The following DTNA variants were observed in gnomAD, a reference collection of about 807,000 sequenced individuals.
DTNA encodes the protein dystrophin-related protein 3.
In DTNA, 43 loss-of-function variants were observed where a neutral mutation model predicts 100.7. That is an observed-to-expected ratio of 0.43 (90% CI 0.33 to 0.55). The LOEUF (loss-of-function observed/expected upper bound fraction) is 0.55, where lower values mean the gene tolerates loss of function less well. Ranked by LOEUF, DTNA falls within the 20% of genes least tolerant of loss-of-function variation. DTNA has a pLI of 0.04. For synonymous variants in DTNA, 349 were observed against 347.9 expected (o/e 1.00, Z -0.04); for missense variants, 798 against 953.9 (o/e 0.84, Z 2.15).
intron 15 of DTNA, among the ~76,000 whole-genome samples, chr18:34,857,592 G>A (rs767239721): frequency 7.9e-5 from 12 of 152,068 alleles, no homozygotes; most frequent in East Asian, 1.9e-4. Context: ...TCTCACCCCC[G>A]ACAGAGGTCA....
At chr18:34,662,791 C>A (rs891094236) in intron 1 of DTNA, 1 of 152,204 alleles carries the variant, frequency 6.6e-6, no homozygotes, top group Admixed American at 6.5e-5. Flanking sequence ...CCCTGAGGAA[C>A]AACTGTGTTA....
intron 1 of DTNA, among the ~76,000 whole-genome samples, chr18:34,648,809 T>TA (rs1185375590): frequency 1.3e-5 from 2 of 152,242 alleles, no homozygotes; most frequent in Non-Finnish European, 2.9e-5. Flanking sequence ...ATAGATTAGG[T>TA]AAGTTGCATA....
intron 1 of DTNA, among the ~76,000 whole-genome samples, chr18:34,656,149 T>C (rs2074339517): frequency 6.6e-6 from 1 of 152,236 alleles, no homozygotes; most frequent in Non-Finnish European, 1.5e-5. Context: ...TGTTAGCAGT[T>C]TATAGAACCC....
chr18:34,853,262 A>G (rs2096505957), intron 15 of DTNA, among the ~76,000 whole-genome samples: 1 of 152,184 alleles, frequency 6.6e-6, no homozygotes. Flanking sequence ...ATTTCTTGAA[A>G]CAGCACCAAA....
intron 3 of DTNA, among the ~76,000 whole-genome samples, chr18:34,781,114 C>T (rs965012580): frequency 9.9e-5 from 15 of 152,168 alleles, no homozygotes; most frequent in African/African-American, 3.4e-4. Flanking sequence ...GTACCAGTCA[C>T]GTGTGCAGGG....
chr18:34,619,015 G>A (rs1446180300), intron 1 of DTNA, among the ~76,000 whole-genome samples: 1 of 152,174 alleles, frequency 6.6e-6, no homozygotes, highest in African/African-American at 2.4e-5. Flanking sequence ...ATGCGATGAA[G>A]GTTGGAAGAT....
chr18:34,868,161 A>G (rs1157998526), intron 17 of DTNA: 1 of 475,584 alleles, frequency 2.1e-6, no homozygotes, highest in East Asian at 1.5e-4. Flanking sequence ...AAGCAAAAAA[A>G]AAAAAAAAAG....
Position 34,884,781 on chromosome 18 carries a change from G to C in DTNA, c.*31+5G>C, listed in dbSNP as rs1289119688. The C allele has an allele frequency of 6.2e-7, 1 of 1,613,968 alleles. No homozygotes were observed. ...CTTTTATCACACTCCTCTCAAGTAA[G>C]TACCATCTTATTTAGGAGGAATCAT... On this transcript the variant is annotated splice_donor_5th_base_variant and intron_variant, in intron 22 of 22. Transcript: ENST00000444659.
intron 20 of DTNA, among the ~76,000 whole-genome samples, chr18:34,881,048 A>G (rs1354853685): frequency 6.6e-6 from 1 of 152,192 alleles, no homozygotes; most frequent in Admixed American, 6.5e-5. Context: ...AGTACCAGCT[A>G]CCAACATGTG....
At chr18:34,856,808 G>A (rs559041979) in intron 15 of DTNA, among the ~76,000 whole-genome samples, 164 of 152,314 alleles carry the variant, frequency 1.1e-3, no homozygotes, top group African/African-American at 3.2e-3. Context: ...CTCGATGCAC[G>A]TTACATATCT....
chr18:34,770,378 C>T (rs748304004), intron 3 of DTNA, among the ~76,000 whole-genome samples: 10 of 152,182 alleles, frequency 6.6e-5, no homozygotes, highest in Non-Finnish European at 1.0e-4. Flanking sequence ...TGTCTGCATA[C>T]AGCACAGACT....
At chr18:34,819,983 C>A (rs1192781929) in intron 8 of DTNA, among the ~76,000 whole-genome samples, 3 of 143,400 alleles carry the variant, frequency 2.1e-5, no homozygotes, top group Admixed American at 6.9e-5. Context: ...GCGGTTTTTG[C>A]CATTACTTTC....
intron 10 of DTNA, among the ~76,000 whole-genome samples, chr18:34,828,046 A>G (rs1334724299): frequency 6.6e-6 from 1 of 152,194 alleles, no homozygotes. Context: ...GTTACTATAT[A>G]AATGGTGAAA....
intron 4 of DTNA, among the ~76,000 whole-genome samples, chr18:34,801,863 C>G (rs2095226801): frequency 6.6e-6 from 1 of 152,148 alleles, no homozygotes; most frequent in South Asian, 2.1e-4. Context: ...TAAGCTTTTT[C>G]TGTGCCTTTT....
intron 1 of DTNA, among the ~76,000 whole-genome samples, chr18:34,597,817 A>AC (rs1256360643): frequency 6.7e-6 from 1 of 149,788 alleles, no homozygotes; most frequent in African/African-American, 2.5e-5. Flanking sequence ...TTGTGGGAAA[A>AC]CCCCACTTTT....
In DTNA at chr18:34,849,028, A is replaced by C. The variant is rs563180885; in HGVS notation, c.1434+645A>C. Reference sequence around the variant, plus strand: ...TAATGATCCCAGATGGGAGCTGCATAATGACCGACTGCATTAGCCCTGGCA... The same window carrying C: ...TAATGATCCCAGATGGGAGCTGCATCATGACCGACTGCATTAGCCCTGGCA... On this transcript the variant is annotated intron_variant, in intron 14 of 22. Coordinates refer to ENST00000444659, the MANE Select transcript of DTNA (RefSeq NM_001386795.1). 3.3e-5 allele frequency among the ~76,000 whole-genome samples: 5 copies of C among 152,278 alleles called. No individual in the cohort carries two copies. In the South Asian group the frequency reaches 6.2e-4, roughly 19 times the overall value.
At chr18:34,618,735 G>A (rs1040587410) in intron 1 of DTNA, among the ~76,000 whole-genome samples, 5 of 152,054 alleles carry the variant, frequency 3.3e-5, no homozygotes, top group African/African-American at 4.8e-5. Flanking sequence ...TTTCATTTTC[G>A]TAAAAATATT....
chr18:34,816,569 A>G (rs1196280841), intron 7 of DTNA, among the ~76,000 whole-genome samples: 2 of 152,230 alleles, frequency 1.3e-5, no homozygotes, highest in Non-Finnish European at 2.9e-5. Context: ...TACTGTTGGC[A>G]TATCCAGATT....
intron 1 of DTNA, among the ~76,000 whole-genome samples, chr18:34,684,267 T>G (rs1303251825): frequency 6.6e-6 from 1 of 152,046 alleles, no homozygotes; most frequent in Non-Finnish European, 1.5e-5. Context: ...TCATCTACAT[T>G]AGGTATTTCT....
Sources: gnomAD v4.1 joint callset for allele counts (sites outside exome capture counted in the v4.1 genomes callset) on GRCh38, gnomAD v4.1.1 for gene constraint, MANE v1.5 for transcripts, NCBI Gene and HGNC (gene_info 2026-07-23, HGNC 2026-07-21) for gene names.